The following GPC4 variants were observed in gnomAD, a reference collection of about 807,000 sequenced individuals.
The protein encoded by GPC4 is glypican-4.
Under a neutral mutation model 35.0 loss-of-function variants are expected in GPC4, and 10 were observed. The ratio of observed to expected loss-of-function variants is 0.29; its 90% CI spans 0.18 to 0.48. The LOEUF is 0.48. Ranked by LOEUF, GPC4 falls within the 20% of genes least tolerant of loss-of-function variation. The pLI is 0.99. For missense variants in GPC4, 322 were observed against 451.3 expected, an observed-to-expected ratio of 0.71 and a Z score of 2.60; for synonymous variants, 167 against 170.2, an observed-to-expected ratio of 0.98 and a Z score of 0.15.
chrX:133,409,092 T>C (rs1247400186), intron 1 of GPC4, among the ~76,000 whole-genome samples: 10 of 107,771 alleles, frequency 9.3e-5, no homozygotes, highest in East Asian at 8.8e-4. Flanking sequence ...GAGGTGGAGA[T>C]TGCAGTGAGC....
intron 1 of GPC4, among the ~76,000 whole-genome samples, chrX:133,407,628 CCATT>C (rs1305566696): frequency 2.7e-5 from 3 of 111,736 alleles, no homozygotes; most frequent in Non-Finnish European, 5.6e-5. Context: ...ACCCTTTTCA[CCATT>C]ATTATCACAC....
At chrX:133,320,619 T>A (rs1456444624) in intron 3 of GPC4, among the ~76,000 whole-genome samples, 2 of 73,086 alleles carry the variant, frequency 2.7e-5, no homozygotes, top group Non-Finnish European at 4.8e-5. Context: ...AGCAAAACTC[T>A]GTCTCAAAAA....
At chrX:133,347,230 A>G (rs1362692725) in intron 1 of GPC4, among the ~76,000 whole-genome samples, 1 of 98,156 alleles carries the variant, frequency 1.0e-5, no homozygotes, top group Non-Finnish European at 2.0e-5. Context: ...CTGTAAATCT[A>G]AAACTCTTCT....
chrX:133,357,513 G>C (rs1047755989), intron 1 of GPC4, among the ~76,000 whole-genome samples: 1 of 110,068 alleles, frequency 9.1e-6, no homozygotes, highest in Admixed American at 9.6e-5. Context: ...TCAGCCTCCT[G>C]AACAGTTAGG....
At chrX:133,328,617 A>AT (rs1039606143) in intron 2 of GPC4, among the ~76,000 whole-genome samples, 13 of 107,906 alleles carry the variant, frequency 1.2e-4, no homozygotes, top group Non-Finnish European at 2.1e-4. Flanking sequence ...GTTCATCTCC[A>AT]TTTTTTTTTC....
At chrX:133,381,611 C>T (rs2068660854) in intron 1 of GPC4, among the ~76,000 whole-genome samples, 2 of 112,445 alleles carry the variant, frequency 1.8e-5, no homozygotes, top group South Asian at 7.4e-4. Context: ...AGTTAAACTT[C>T]AGATGTCTTC....
intron 7 of GPC4, among the ~76,000 whole-genome samples, chrX:133,303,711 G>A (rs2068278233): frequency 9.1e-6 from 1 of 110,059 alleles, no homozygotes; most frequent in African/African-American, 3.3e-5. Context: ...AATGAGCCGG[G>A]TGTGGTGGTG....
intron 1 of GPC4, among the ~76,000 whole-genome samples, chrX:133,413,282 T>C (rs1454791306): frequency 8.9e-6 from 1 of 112,197 alleles, no homozygotes; most frequent in African/African-American, 3.2e-5. Flanking sequence ...GTAGTGAGCA[T>C]GTTATTTGGT....
intron 1 of GPC4, among the ~76,000 whole-genome samples, chrX:133,387,152 T>TAGCA (rs775480460): frequency 2.7e-5 from 3 of 112,372 alleles, no homozygotes; most frequent in African/African-American, 9.7e-5. Flanking sequence ...TACTTGGCTA[T>TAGCA]AGCATATCAG....
chrX:133,307,328 A>G (rs2068294951), intron 4 of GPC4, among the ~76,000 whole-genome samples: 1 of 112,185 alleles, frequency 8.9e-6, no homozygotes, highest in Non-Finnish European at 1.9e-5. Flanking sequence ...CAGCATATCA[A>G]TGAAACCAAA....
intron 1 of GPC4, among the ~76,000 whole-genome samples, chrX:133,372,134 G>A (rs1457582289): frequency 9.3e-6 from 1 of 107,846 alleles, no homozygotes; most frequent in Non-Finnish European, 1.9e-5. Context: ...TCAGGAGGCT[G>A]AGGATCGCTT....
At chrX:133,306,235 T>C in intron 4 of GPC4, 81 bp from the exon 5 acceptor site, 1 of 1,078,597 alleles carries the variant, frequency 9.3e-7, no homozygotes, top group East Asian at 3.0e-5. Flanking sequence ...ATCTGATTTT[T>C]TTTTCTGTCT....
chrX:133,360,970 T>C (rs991929042), intron 1 of GPC4, among the ~76,000 whole-genome samples: 4 of 112,054 alleles, frequency 3.6e-5, no homozygotes, highest in African/African-American at 1.3e-4. Flanking sequence ...ACTTTAGAAA[T>C]ATTTTCATTG....
rs756012672 is a variant in GPC4, at chrX:133,300,431, A to T, written c.*2436T>A. The T allele has an allele frequency of 1.8e-5, 2 of 112,067 alleles. No individual in the cohort carries two copies. The highest frequency in any genetic ancestry group is 3.8e-5 in the Non-Finnish European group (2 of 53,266). The allele number at this position is 112,067 out of a possible 1,213,427, so 9.2% of individuals were successfully genotyped here. On this transcript the variant is annotated 3_prime_UTR_variant, in exon 9 of 9. Transcript: ENST00000370828. ...CTTCTCCTAACAAGGCTTTTATTCT[A>T]CTTCATACTCCAAACTCTTAAGGTT...
intron 1 of GPC4, among the ~76,000 whole-genome samples, chrX:133,357,890 ATTCT>A (rs780636543): frequency 1.3e-4 from 15 of 111,995 alleles, no homozygotes; most frequent in Non-Finnish European, 2.1e-4. Context: ...CAGAAAGGGG[ATTCT>A]TTCTATGTTT....
At chrX:133,403,084 C>T (rs991143202) in intron 1 of GPC4, among the ~76,000 whole-genome samples, 1 of 111,379 alleles carries the variant, frequency 9.0e-6, no homozygotes, top group African/African-American at 3.3e-5. Flanking sequence ...AAGAGCACCA[C>T]GCTCTAGGTT....
chrX:133,321,110 C>T (rs1341623635), intron 3 of GPC4, among the ~76,000 whole-genome samples: 1 of 111,949 alleles, frequency 8.9e-6, no homozygotes, highest in Non-Finnish European at 1.9e-5. Context: ...ACCTTTGTTG[C>T]ATAAGTAAGG....
intron 1 of GPC4, among the ~76,000 whole-genome samples, chrX:133,348,154 C>G (rs910097477): frequency 8.9e-6 from 1 of 112,318 alleles, no homozygotes; most frequent in Non-Finnish European, 1.9e-5. Flanking sequence ...AGAAATCAAC[C>G]AAGGCTTCTT....
At chrX:133,414,405 G>A in intron 1 of GPC4, 2 of 349,615 alleles carry the variant, frequency 5.7e-6, no homozygotes, top group Non-Finnish European at 7.0e-6. Context: ...ATACAACAAA[G>A]CGGGGCGTCC....
Sources: allele counts gnomAD v4.1 joint callset (sites outside exome capture counted in the v4.1 genomes callset), GRCh38; gene constraint gnomAD v4.1.1; transcripts MANE v1.5; gene names NCBI Gene and HGNC (gene_info 2026-07-23, HGNC 2026-07-21).